Variants in CCDC170 observed in about 807,000 individuals in gnomAD.
CCDC170 encodes coiled-coil domain containing 170, also known as coiled-coil domain-containing protein 170.
A neutral mutation model predicts 72.6 loss-of-function variants in CCDC170; 69 were observed. The observed-to-expected ratio is 0.95, with a 90% CI of 0.78 to 1.16. The LOEUF (loss-of-function observed/expected upper bound fraction) is 1.16, where lower values mean the gene tolerates loss of function less well. Among genes scored for constraint, CCDC170 ranks in the 50% most tolerant of loss-of-function variants. The probability of loss-of-function intolerance (pLI) is 0.00; values close to 1 mark genes in which losing one functional copy is unlikely to be tolerated. For synonymous variants in CCDC170, 300 were observed against 303.9 expected (o/e 0.99, Z 0.13); for missense variants, 852 against 832.5 (o/e 1.02, Z -0.29).
chr6:151,538,594 G>C (rs1782630944), intron 3 of CCDC170, among the ~76,000 whole-genome samples: 2 of 152,168 alleles, frequency 1.3e-5, no homozygotes, highest in Non-Finnish European at 1.5e-5. Flanking sequence ...TCTCTAAGTA[G>C]AGTTTAACCC....
intron 9 of CCDC170, among the ~76,000 whole-genome samples, chr6:151,597,416 C>T (rs1364030912): frequency 6.6e-6 from 1 of 152,214 alleles, no homozygotes; most frequent in Non-Finnish European, 1.5e-5. Context: ...GTGTGAGCCA[C>T]TGCGCCTGGC....
chr6:151,572,649 G>GTTTTT (rs1213267537), intron 5 of CCDC170, among the ~76,000 whole-genome samples: 715 of 37,816 alleles, frequency 0.019, 53 homozygotes, highest in African/African-American at 0.078. Context: ...CCTTCTCTGT[G>GTTTTT]TTTTTTTTTT....
chr6:151,601,729 G>T (rs139370107), intron 9 of CCDC170, among the ~76,000 whole-genome samples: 1 of 152,152 alleles, frequency 6.6e-6, no homozygotes, highest in Admixed American at 6.5e-5. Flanking sequence ...ATGAAGACTG[G>T]CAGATTATCC....
chr6:151,592,455 C>T (rs1180495831), intron 7 of CCDC170, among the ~76,000 whole-genome samples: 7 of 152,176 alleles, frequency 4.6e-5, no homozygotes, highest in Admixed American at 2.0e-4. Context: ...CACAGTTCCA[C>T]GTGGCTTGGG....
intron 9 of CCDC170, among the ~76,000 whole-genome samples, chr6:151,604,878 T>C (rs568609793): frequency 6.6e-6 from 1 of 152,340 alleles, no homozygotes; most frequent in Admixed American, 6.5e-5. Context: ...TCAAATATTT[T>C]ATCATTTATT....
At chr6:151,497,407 G>A (rs1781925892) in intron 1 of CCDC170, among the ~76,000 whole-genome samples, 1 of 152,096 alleles carries the variant, frequency 6.6e-6, no homozygotes, top group Non-Finnish European at 1.5e-5. Context: ...TTAAAAAAGA[G>A]TTTACAATCA....
At chr6:151,535,951 T>C (rs2115045483) in intron 1 of CCDC170, among the ~76,000 whole-genome samples, 1 of 152,246 alleles carries the variant, frequency 6.6e-6, no homozygotes, top group East Asian at 1.9e-4. Flanking sequence ...GATAGGGTCT[T>C]GCTGTCTCTA....
At chr6:151,587,138 G>T (rs1776463277) in intron 7 of CCDC170, among the ~76,000 whole-genome samples, 1 of 152,130 alleles carries the variant, frequency 6.6e-6, no homozygotes, top group Non-Finnish European at 1.5e-5. Context: ...TGAGATTGTG[G>T]CATGGAGGGT....
At position 151,596,385 on chromosome 6, in the gene CCDC170, C is replaced by T. The variant is rs772924463; in HGVS notation, c.1518C>T (p.Leu506=). 27 of 1,614,070 alleles carry T rather than the reference C, an allele frequency of 1.7e-5. No homozygotes were observed. The highest frequency in any genetic ancestry group is 2.2e-5 in the Non-Finnish European group (26 of 1,180,002). Residue 506 remains leucine, a synonymous_variant, in exon 9 of 11, where the codon CTC becomes CTT. Coordinates refer to ENST00000239374, the MANE Select transcript of CCDC170 (RefSeq NM_025059.4). The stretch of plus-strand genomic sequence containing the variant: ...AGAGCAAAGAATTACACATGAGCCT[C>T]CTCCGGCAGAAAATAGCCCAGCTGG... ...RLESKELHMS[L]LRQKIAQLEE...
At position 151,533,209 on chromosome 6, in the gene CCDC170, A is replaced by T. The variant is rs536394623; in HGVS notation, c.58-3109A>T. ...GCTGGGACTACAGGCGCCCGCCACC[A>T]CACCCGGCTAATTTTTTTTTATTTT... On this transcript the variant is annotated intron_variant, in intron 1 of 10. Transcript: ENST00000239374. Among the ~76,000 whole-genome samples, 26 of 151,154 alleles carry T rather than the reference A, an allele frequency of 1.7e-4. No individual in the cohort carries two copies. In the East Asian group the frequency reaches 4.6e-3, roughly 27 times the overall value.
intron 9 of CCDC170, among the ~76,000 whole-genome samples, chr6:151,599,223 T>A (rs971109389): frequency 6.6e-5 from 10 of 152,198 alleles, no homozygotes; most frequent in African/African-American, 2.4e-4. Flanking sequence ...TTGAAGAATT[T>A]CTCTTACCCA....
intron 6 of CCDC170, among the ~76,000 whole-genome samples, chr6:151,574,369 T>G (rs940412896): frequency 6.6e-6 from 1 of 152,192 alleles, no homozygotes; most frequent in African/African-American, 2.4e-5. Context: ...ACTGTCCATG[T>G]GAGCTTGGGT....
intron 9 of CCDC170, among the ~76,000 whole-genome samples, chr6:151,605,055 C>G (rs1230503066): frequency 6.6e-6 from 1 of 152,174 alleles, no homozygotes; most frequent in East Asian, 1.9e-4. Flanking sequence ...CCTGCCCCCA[C>G]CCTTCCCAGC....
chr6:151,516,543 C>T (rs1782238931), intron 1 of CCDC170, among the ~76,000 whole-genome samples: 1 of 152,034 alleles, frequency 6.6e-6, no homozygotes, highest in Non-Finnish European at 1.5e-5. Flanking sequence ...GGTAAATACC[C>T]AGGGTTTGTC....
intron 6 of CCDC170, among the ~76,000 whole-genome samples, chr6:151,574,787 C>A (rs1013619028): frequency 1.3e-5 from 2 of 151,982 alleles, no homozygotes; most frequent in African/African-American, 4.8e-5. Context: ...GGTATCTGGC[C>A]GATCAGGTTA....
At chr6:151,526,436 G>A (rs1248698145) in intron 1 of CCDC170, among the ~76,000 whole-genome samples, 1 of 151,528 alleles carries the variant, frequency 6.6e-6, no homozygotes, top group Admixed American at 6.6e-5. Flanking sequence ...TGGCCAGGAT[G>A]GTCTCAATCT....
chr6:151,561,950 G>C (rs573122128), intron 5 of CCDC170, among the ~76,000 whole-genome samples: 256 of 152,022 alleles, frequency 1.7e-3, no homozygotes, highest in Non-Finnish European at 2.7e-3. Flanking sequence ...TGTCTGACTT[G>C]GTTAATTAGA....
intron 1 of CCDC170, among the ~76,000 whole-genome samples, chr6:151,509,086 A>C (rs1260324462): frequency 6.6e-6 from 1 of 152,274 alleles, no homozygotes; most frequent in East Asian, 1.9e-4. Flanking sequence ...ACTAAAATTT[A>C]TCAAGTGTCT....
chr6:151,577,866 T>C (rs910481639), intron 6 of CCDC170, among the ~76,000 whole-genome samples: 5 of 152,182 alleles, frequency 3.3e-5, no homozygotes, highest in Admixed American at 1.3e-4. Flanking sequence ...CTTATGAGAA[T>C]CTAATCCCTG....
Sources: gnomAD v4.1 joint callset for allele counts (sites outside exome capture counted in the v4.1 genomes callset) on GRCh38, gnomAD v4.1.1 for gene constraint, MANE v1.5 for transcripts, NCBI Gene and HGNC (gene_info 2026-07-23, HGNC 2026-07-21) for gene names.